PIP5K1B: variants seen among roughly 807,000 people sequenced by gnomAD.
PIP5K1B encodes phosphatidylinositol 4-phosphate 5-kinase type-1 beta.
In PIP5K1B, 42 loss-of-function variants were observed where a neutral mutation model predicts 67.0. The observed-to-expected ratio is 0.63, with a 90% CI of 0.49 to 0.81. The LOEUF is 0.81. Ranked by LOEUF, PIP5K1B falls within the 30% of genes least tolerant of loss-of-function variation. The probability of loss-of-function intolerance (pLI) is 0.00; values close to 1 mark genes in which losing one functional copy is unlikely to be tolerated. For synonymous variants in PIP5K1B, 214 were observed against 231.4 expected (o/e 0.92, Z 0.68); for missense variants, 459 against 646.3 (o/e 0.71, Z 3.14).
intron 14 of PIP5K1B, among the ~76,000 whole-genome samples, chr9:68,951,905 T>C (rs1237640503): frequency 6.6e-6 from 1 of 152,186 alleles, no homozygotes; most frequent in African/African-American, 2.4e-5. Context: ...AACATGCTTA[T>C]ATTGTTATTG....
At chr9:68,785,883 G>A (rs1831585381) in intron 2 of PIP5K1B, among the ~76,000 whole-genome samples, 2 of 152,192 alleles carry the variant, frequency 1.3e-5, no homozygotes, top group South Asian at 4.1e-4. Flanking sequence ...TTCAAAGCAG[G>A]CTATCCTTTT....
chr9:69,002,552 A>C (rs1297631539), intron 15 of PIP5K1B, among the ~76,000 whole-genome samples: 1 of 152,124 alleles, frequency 6.6e-6, no homozygotes, highest in African/African-American at 2.4e-5. Flanking sequence ...ACATCCCCAA[A>C]TGATTGTGCC....
intron 4 of PIP5K1B, among the ~76,000 whole-genome samples, chr9:68,849,650 G>A (rs915945554): frequency 6.6e-6 from 1 of 152,174 alleles, no homozygotes; most frequent in Non-Finnish European, 1.5e-5. Context: ...AAAGGCATGC[G>A]CCACCACGCC....
intron 14 of PIP5K1B, among the ~76,000 whole-genome samples, chr9:68,969,983 G>C (rs1260285878): frequency 6.8e-6 from 1 of 148,094 alleles, no homozygotes; most frequent in Non-Finnish European, 1.5e-5. Context: ...AGTTGTGGAG[G>C]TTGGATTTTT....
chr9:68,763,568 A>G (rs1005241450), intron 2 of PIP5K1B, among the ~76,000 whole-genome samples: 31 of 152,144 alleles, frequency 2.0e-4, no homozygotes, highest in African/African-American at 7.5e-4. Context: ...GAGTTTTGAC[A>G]TAATACTGTT....
intron 4 of PIP5K1B, among the ~76,000 whole-genome samples, chr9:68,850,400 G>A (rs1388090866): frequency 1.3e-5 from 2 of 152,170 alleles, no homozygotes; most frequent in African/African-American, 4.8e-5. Context: ...TTTGTTGAGG[G>A]GGGCTGTTCT....
chr9:68,776,395 C>T (rs542614401), intron 2 of PIP5K1B, among the ~76,000 whole-genome samples: 1 of 152,228 alleles, frequency 6.6e-6, no homozygotes, highest in Admixed American at 6.5e-5. Context: ...TCCACTTATT[C>T]CTCATTGAGA....
chr9:69,001,682 G>A (rs1830830692), intron 15 of PIP5K1B, among the ~76,000 whole-genome samples: 1 of 152,022 alleles, frequency 6.6e-6, no homozygotes, highest in Non-Finnish European at 1.5e-5. Context: ...ACAACAGCAA[G>A]GGGGAAGTCT....
At chr9:68,749,593 CAT>C (rs1346979977) in intron 2 of PIP5K1B, among the ~76,000 whole-genome samples, 1 of 152,192 alleles carries the variant, frequency 6.6e-6, no homozygotes, top group South Asian at 2.1e-4. Context: ...CCTGTAACCA[CAT>C]GTTACAGTTT....
chr9:68,975,350 T>G (rs1048715308), intron 14 of PIP5K1B, among the ~76,000 whole-genome samples: 2 of 152,216 alleles, frequency 1.3e-5, no homozygotes, highest in African/African-American at 4.8e-5. Context: ...ATTACAGGCA[T>G]GAGCCACTGC....
At chr9:68,968,640 T>A (rs1358364178) in intron 14 of PIP5K1B, among the ~76,000 whole-genome samples, 1 of 151,852 alleles carries the variant, frequency 6.6e-6, no homozygotes, top group African/African-American at 2.4e-5. Flanking sequence ...ATTCTGCTCT[T>A]TTTTTTATCT....
At chr9:69,007,855 T>C (rs1399960891) in intron 15 of PIP5K1B, among the ~76,000 whole-genome samples, 1 of 141,538 alleles carries the variant, frequency 7.1e-6, no homozygotes, top group Admixed American at 7.1e-5. Context: ...AGACTCCATC[T>C]AAAAAAAAAA....
At chr9:68,856,494 T>G (rs776187054) in intron 4 of PIP5K1B, among the ~76,000 whole-genome samples, 3 of 152,204 alleles carry the variant, frequency 2.0e-5, no homozygotes, top group Non-Finnish European at 4.4e-5. Context: ...CCTCTGAGAC[T>G]CCATCATTCT....
chr9:68,981,356 T>C (rs1829872324), intron 14 of PIP5K1B, among the ~76,000 whole-genome samples: 1 of 152,032 alleles, frequency 6.6e-6, no homozygotes, highest in South Asian at 2.1e-4. Context: ...AATCAATGGA[T>C]GCTACCTTAG....
chr9:68,780,064 CAG>C (rs1831153799), intron 2 of PIP5K1B: 5 of 1,418,312 alleles, frequency 3.5e-6, no homozygotes, highest in South Asian at 1.6e-5. Context: ...AGCCCGCTGA[CAG>C]ATTCTCGGTG....
chr9:68,773,880 A>G (rs1830784015), intron 2 of PIP5K1B, among the ~76,000 whole-genome samples: 1 of 152,126 alleles, frequency 6.6e-6, no homozygotes, highest in Non-Finnish European at 1.5e-5. Flanking sequence ...GAGATAATCT[A>G]TTATTTTCTT....
At chr9:68,958,494 C>T (rs796882828) in intron 14 of PIP5K1B, among the ~76,000 whole-genome samples, 1 of 152,154 alleles carries the variant, frequency 6.6e-6, no homozygotes, top group Non-Finnish European at 1.5e-5. Flanking sequence ...GAGCATCCTA[C>T]GGACAAGAGA....
At chr9:68,963,424 A>T (rs1344712965) in intron 14 of PIP5K1B, 1 of 274,940 alleles carries the variant, frequency 3.6e-6, no homozygotes, top group Non-Finnish European at 7.3e-6. Flanking sequence ...AATCACTTGA[A>T]CCCAGGAGGT....
chr9:68,939,209 A>G (rs1287350030), intron 13 of PIP5K1B, among the ~76,000 whole-genome samples: 1 of 152,126 alleles, frequency 6.6e-6, no homozygotes, highest in Non-Finnish European at 1.5e-5. Context: ...CCCTCAAAGA[A>G]CTGCTCCTCA....
Sources: allele counts gnomAD v4.1 joint callset (sites outside exome capture counted in the v4.1 genomes callset), GRCh38; gene constraint gnomAD v4.1.1; transcripts MANE v1.5; gene names NCBI Gene and HGNC (gene_info 2026-07-23, HGNC 2026-07-21).